The following CUBN variants were observed in gnomAD, a reference collection of about 807,000 sequenced individuals.
CUBN encodes the protein 460 kDa receptor.
In CUBN, 282 loss-of-function variants were observed where a neutral mutation model predicts 405.3. The observed-to-expected ratio is 0.70, with a 90% confidence interval of 0.63 to 0.77. CUBN has a LOEUF of 0.77. Among genes scored for constraint, CUBN ranks in the 30% least tolerant of loss-of-function variants. The probability of loss-of-function intolerance (pLI) is 0.00; values close to 1 mark genes in which losing one functional copy is unlikely to be tolerated. For missense variants in CUBN, 4,514 were observed against 4,475.2 expected (o/e 1.01, Z -0.25); for synonymous variants, 1,684 against 1,617.0 (o/e 1.04, Z -0.99).
chr10:16,900,079 T>C (rs139111265), intron 53 of CUBN, among the ~76,000 whole-genome samples: 1 of 152,248 alleles, frequency 6.6e-6, no homozygotes. Flanking sequence ...ACAGCATTTG[T>C]TCTAAATTAC....
chr10:17,059,285 G>C (rs1588617078), intron 22 of CUBN, among the ~76,000 whole-genome samples: 1 of 152,092 alleles, frequency 6.6e-6, no homozygotes, highest in East Asian at 1.9e-4. Context: ...TTATCAAAGG[G>C]GAAAATGAGA....
chr10:17,122,904 A>G lies in CUBN; in HGVS notation c.490-6T>C. 1 of 1,607,572 alleles carries G rather than the reference A, an allele frequency of 6.2e-7. No individual in the cohort carries two copies. Among genetic ancestry groups the G allele is most frequent in the Non-Finnish European group, 8.5e-7 (1 of 1,174,056 alleles). On this transcript the variant is annotated splice_region_variant and splice_polypyrimidine_tract_variant and intron_variant, in intron 5 of 66. Coordinates refer to ENST00000377833, the MANE Select transcript of CUBN (RefSeq NM_001081.4). Reference sequence around the variant, plus strand: ...TCAGCTGAGCAGAGAGGACCCTGTGATCATATAAGGAACAAAGTCAGGTGC... The same window carrying G: ...TCAGCTGAGCAGAGAGGACCCTGTGGTCATATAAGGAACAAAGTCAGGTGC...
At chr10:16,834,661 C>T (rs1411739436) in intron 64 of CUBN, among the ~76,000 whole-genome samples, 1 of 152,130 alleles carries the variant, frequency 6.6e-6, no homozygotes, top group African/African-American at 2.4e-5. Flanking sequence ...CCCTCTGATC[C>T]TTTTAGGTCT....
At chr10:17,092,413 A>G (rs1357990026) in intron 14 of CUBN, among the ~76,000 whole-genome samples, 1 of 152,194 alleles carries the variant, frequency 6.6e-6, no homozygotes, top group Non-Finnish European at 1.5e-5. Context: ...TGGATAAAAT[A>G]GGGCTGAGAC....
chr10:16,826,325 A>T (rs1838781173), intron 66 of CUBN, among the ~76,000 whole-genome samples: 1 of 152,220 alleles, frequency 6.6e-6, no homozygotes, highest in Admixed American at 6.5e-5. Flanking sequence ...GTTGAATTGT[A>T]TACTTAAGGA....
chr10:16,991,733 A>G (rs1446134016), intron 28 of CUBN, among the ~76,000 whole-genome samples: 1 of 151,660 alleles, frequency 6.6e-6, no homozygotes. Flanking sequence ...TCAAAAAGTC[A>G]GGAAACAACA....
chr10:16,949,256 G>A (rs1036261906), intron 34 of CUBN, among the ~76,000 whole-genome samples: 10 of 152,090 alleles, frequency 6.6e-5, no homozygotes, highest in African/African-American at 2.2e-4. Flanking sequence ...GTGTGCATAG[G>A]GTGTGGAGAG....
At chr10:16,945,244 C>T (rs992851527) in intron 36 of CUBN, among the ~76,000 whole-genome samples, 5 of 152,076 alleles carry the variant, frequency 3.3e-5, no homozygotes, top group African/African-American at 1.2e-4. Flanking sequence ...GATAGGCCTA[C>T]TAAAGCTGTG....
intron 66 of CUBN, among the ~76,000 whole-genome samples, chr10:16,825,791 C>T (rs755423696): frequency 1.3e-5 from 2 of 151,902 alleles, no homozygotes; most frequent in Non-Finnish European, 2.9e-5. Context: ...GCAAAACAGG[C>T]AAAAAGCCCT....
At chr10:17,085,543 G>T in intron 16 of CUBN, 54 bp downstream of exon 16, 5 of 1,490,666 alleles carry the variant, frequency 3.4e-6, no homozygotes, top group Non-Finnish European at 4.7e-6. Flanking sequence ...ACAGATGTAA[G>T]CATAGCATTG....
chr10:16,975,295 C>G (rs1321277047), intron 31 of CUBN, among the ~76,000 whole-genome samples: 1 of 152,236 alleles, frequency 6.6e-6, no homozygotes, highest in Non-Finnish European at 1.5e-5. Flanking sequence ...CTGTTTCCTC[C>G]TGCTGCACTT....
At chr10:17,121,916 C>G (rs1167632223) in intron 6 of CUBN, 3 of 152,116 alleles carry the variant, frequency 2.0e-5, no homozygotes, top group Non-Finnish European at 1.5e-5. Flanking sequence ...ATTTATTAAT[C>G]TTTTAAAAAT....
intron 22 of CUBN, among the ~76,000 whole-genome samples, chr10:17,057,758 T>C (rs929801062): frequency 6.6e-6 from 1 of 151,958 alleles, no homozygotes; most frequent in Admixed American, 6.6e-5. Context: ...AATGGAAGGC[T>C]AGTCAGCAAT....
intron 21 of CUBN, 83 bp from the exon 22 acceptor site, chr10:17,065,721 A>C: frequency 6.6e-7 from 1 of 1,513,298 alleles, no homozygotes; most frequent in Non-Finnish European, 9.2e-7. Flanking sequence ...GGACATGTAA[A>C]TATAATAATA....
chr10:16,838,348 C>A (rs1564378254), intron 62 of CUBN, among the ~76,000 whole-genome samples: 1 of 152,146 alleles, frequency 6.6e-6, no homozygotes, highest in Admixed American at 6.5e-5. Context: ...GGGCTTTGAC[C>A]ATGACATTTT....
At chr10:17,064,610 T>A (rs796505895) in intron 22 of CUBN, among the ~76,000 whole-genome samples, 8 of 152,224 alleles carry the variant, frequency 5.3e-5, no homozygotes, top group African/African-American at 1.9e-4. Flanking sequence ...TTTAATACAA[T>A]GATGCAAAAG....
At position 17,110,972 on chromosome 10, in the gene CUBN, G is replaced by A; in HGVS notation, c.962C>T (p.Pro321Leu). 1 of 1,614,152 alleles carries A rather than the reference G, an allele frequency of 6.2e-7. No homozygotes were observed. The highest frequency in any genetic ancestry group is 2.2e-5 in the East Asian group (1 of 44,892). ...CCCAGGTGTATTCACACACTCAACG[G>A]GTGGAGCCACAGAACAGCCGCCGTT... Reference protein sequence around the residue: ...INNGGCSVAPPVECVNTPGSS... With the variant: ...INNGGCSVAPLVECVNTPGSS... The change falls in exon 9 of 67, where the codon CCC becomes CTC. Residue 321 changes from proline to leucine, a missense_variant. By Grantham distance (98) the Pro-to-Leu change is moderately conservative. This residue lies in a region of CUBN where 1,448 missense variants were observed against 1,388.0 expected (regional missense o/e 1.04). Transcript: ENST00000377833.
chr10:16,896,272 T>G (rs77744173), intron 54 of CUBN, among the ~76,000 whole-genome samples: 11,781 of 152,294 alleles, frequency 0.077, 528 homozygotes, highest in Middle Eastern at 0.13. Context: ...TTCCTTTTTC[T>G]TTTCTCATGC....
chr10:17,019,709 A>C, intron 28 of CUBN, 124 bp downstream of exon 28: 1 of 1,139,094 alleles, frequency 8.8e-7, no homozygotes, highest in Non-Finnish European at 1.3e-6. Context: ...AAACCCTTGC[A>C]TGAGATTACT....
Sources: gnomAD v4.1 joint callset for allele counts (sites outside exome capture counted in the v4.1 genomes callset) on GRCh38, gnomAD v4.1.1 for gene constraint, gnomAD v4.1.1 regional missense constraint, MANE v1.5 for transcripts, NCBI Gene and HGNC (gene_info 2026-07-23, HGNC 2026-07-21) for gene names.